Variants in CUEDC1 observed in about 807,000 individuals in gnomAD.
The protein encoded by CUEDC1 is CUE domain containing 1, also known as CUE domain-containing protein 1.
Under a neutral mutation model 43.7 loss-of-function variants are expected in CUEDC1, and 30 were observed. That is an observed-to-expected ratio of 0.69 (90% CI 0.51 to 0.93). The LOEUF (loss-of-function observed/expected upper bound fraction) is 0.93, where lower values mean the gene tolerates loss of function less well. Among genes scored for constraint, CUEDC1 ranks in the 40% least tolerant of loss-of-function variants. The pLI, the probability that CUEDC1 is intolerant of heterozygous loss-of-function variation, is 0.00. For missense variants in CUEDC1, 486 were observed against 549.0 expected, an observed-to-expected ratio of 0.89 and a Z score of 1.15; for synonymous variants, 223 against 223.6, an observed-to-expected ratio of 1.00 and a Z score of 0.02.
chr17:57,940,489 G>T (rs538926852), intron 1 of CUEDC1, among the ~76,000 whole-genome samples: 1 of 152,098 alleles, frequency 6.6e-6, no homozygotes, highest in Non-Finnish European at 1.5e-5. Context: ...CTCCCCTCCC[G>T]CAGTAACCTT....
intron 1 of CUEDC1, among the ~76,000 whole-genome samples, chr17:57,904,430 G>A (rs2145011483): frequency 6.6e-6 from 1 of 152,234 alleles, no homozygotes; most frequent in East Asian, 1.9e-4. Context: ...TGGGAGGGAG[G>A]GAAGGGAATA....
chr17:57,873,862 ACT>A (rs1394578342), intron 3 of CUEDC1, 145 bp from the exon 4 acceptor site: 2 of 792,266 alleles, frequency 2.5e-6, no homozygotes, highest in Non-Finnish European at 3.7e-6. Context: ...AAGGCCCGTC[ACT>A]CTGTCTCATC....
intron 1 of CUEDC1, among the ~76,000 whole-genome samples, chr17:57,947,026 A>C (rs2074966007): frequency 6.6e-6 from 1 of 151,970 alleles, no homozygotes; most frequent in Admixed American, 6.6e-5. Flanking sequence ...TACAGCCTGA[A>C]ACCGAAACTA....
intron 1 of CUEDC1, among the ~76,000 whole-genome samples, chr17:57,941,398 A>G (rs1598024827): frequency 6.6e-6 from 1 of 152,228 alleles, no homozygotes; most frequent in East Asian, 1.9e-4. Flanking sequence ...TGCCATATAC[A>G]GTTATGCAGG....
intron 1 of CUEDC1, among the ~76,000 whole-genome samples, chr17:57,888,318 C>T: frequency 6.6e-6 from 1 of 152,180 alleles, no homozygotes; most frequent in East Asian, 1.9e-4. Context: ...GGCCATCTTC[C>T]CATGTCAGAA....
chr17:57,943,194 C>A (rs2074932252), intron 1 of CUEDC1, among the ~76,000 whole-genome samples: 1 of 152,150 alleles, frequency 6.6e-6, no homozygotes, highest in Non-Finnish European at 1.5e-5. Flanking sequence ...AAGCTGGGAG[C>A]CCTTCCCAAA....
At chr17:57,929,880 C>T (rs895883403) in intron 1 of CUEDC1, among the ~76,000 whole-genome samples, 1 of 152,150 alleles carries the variant, frequency 6.6e-6, no homozygotes, top group Non-Finnish European at 1.5e-5. Flanking sequence ...TGGCTCACTG[C>T]AACCTCCGCC....
At chr17:57,908,339 G>T (rs563007847) in intron 1 of CUEDC1, among the ~76,000 whole-genome samples, 12 of 152,308 alleles carry the variant, frequency 7.9e-5, no homozygotes, top group Non-Finnish European at 1.6e-4. Context: ...TTACAGGTGT[G>T]AGCCACCGCG....
At chr17:57,929,005 G>A (rs1251639062) in intron 1 of CUEDC1, among the ~76,000 whole-genome samples, 1 of 144,808 alleles carries the variant, frequency 6.9e-6, no homozygotes, top group Non-Finnish European at 1.5e-5. Flanking sequence ...ATTAGCAGGC[G>A]GGGAAAAAAA....
At chr17:57,888,925 C>T (rs2074326982) in intron 1 of CUEDC1, among the ~76,000 whole-genome samples, 1 of 152,212 alleles carries the variant, frequency 6.6e-6, no homozygotes, top group Non-Finnish European at 1.5e-5. Flanking sequence ...CCTGGGCCAC[C>T]CCCAGGGGAG....
At position 57,861,593 on chromosome 17, in the gene CUEDC1, G is replaced by C. The variant is rs915713641; in HGVS notation, c.*1696C>G. The C allele has an allele frequency of 3.3e-5, 5 of 152,270 alleles. No homozygotes were observed. The highest frequency in any genetic ancestry group is 3.3e-4 in the Admixed American group (5 of 15,280). 9.4% of individuals were successfully genotyped at this position (152,270 alleles called of 1,614,324 possible). A position where few individuals can be genotyped will look rare whatever the true frequency, so the allele number is the denominator to read the frequency against. Reference sequence around the variant, plus strand: ...CCAGCCCACGCCGCTGGCCACATCAGAGCACCAAGAGAACACCAACTGTTT... The same window carrying C: ...CCAGCCCACGCCGCTGGCCACATCACAGCACCAAGAGAACACCAACTGTTT... On this transcript the variant is annotated 3_prime_UTR_variant, in exon 11 of 11. Coordinates refer to ENST00000577830, the MANE Select transcript of CUEDC1 (RefSeq NM_001271875.2).
chr17:57,875,850 C>T (rs755932035), intron 3 of CUEDC1, among the ~76,000 whole-genome samples: 1 of 152,114 alleles, frequency 6.6e-6, no homozygotes, highest in East Asian at 1.9e-4. Context: ...TCAGGACTTC[C>T]AGGTAAAATT....
chr17:57,954,839 G>A lies in CUEDC1; in HGVS notation c.-316+386C>T, dbSNP rs2075041190. ...GCGCCCACACAAAAGGGGGAGCGGCGGGAGAGGGGACTCGGGCGAAGCCGG... is the reference window on the plus strand; with the variant it reads ...GCGCCCACACAAAAGGGGGAGCGGCAGGAGAGGGGACTCGGGCGAAGCCGG... On this transcript the variant is annotated intron_variant, in intron 1 of 10. Transcript: ENST00000577830. This position sits in a 1 kb window ranked among gnomAD's most constrained non-coding sequence, Gnocchi z 4.3. Among the ~76,000 whole-genome samples the A allele has an allele frequency of 1.3e-5, 2 of 152,086 alleles. No homozygotes were observed. The highest frequency in any genetic ancestry group is 4.1e-4 in the South Asian group (2 of 4,832).
chr17:57,930,444 T>A lies in CUEDC1; in HGVS notation c.-316+24781A>T, dbSNP rs28420469. On this transcript the variant is annotated intron_variant, in intron 1 of 10. Transcript: ENST00000577830. This position sits in a 1 kb window ranked among gnomAD's most constrained non-coding sequence, Gnocchi z 4.2. ...TGCCCAGGGGCCCTTTTATCCTGAGTCAGAAACCAAAGCCCTCTCCGTCCC... is the reference window on the plus strand; with the variant it reads ...TGCCCAGGGGCCCTTTTATCCTGAGACAGAAACCAAAGCCCTCTCCGTCCC... Among the ~76,000 whole-genome samples, 12,112 of 152,116 alleles carry A rather than the reference T, an allele frequency of 0.08. 1,136 individuals are homozygous for A. Among genetic ancestry groups the A allele is most frequent in the African/African-American group, 0.22 (9,184 of 41,464 alleles).
At chr17:57,922,788 A>G (rs2074710157) in intron 1 of CUEDC1, among the ~76,000 whole-genome samples, 1 of 152,210 alleles carries the variant, frequency 6.6e-6, no homozygotes, top group Admixed American at 6.5e-5. Context: ...GATCGCTGTC[A>G]TTCCAGACCA....
rs2073960912 is a variant in CUEDC1, at chr17:57,866,511, G to A, written c.1127C>T (p.Pro376Leu). The A allele has an allele frequency of 6.2e-7, 1 of 1,614,050 alleles. No homozygotes were observed. Among genetic ancestry groups the A allele is most frequent in the African/African-American group, 1.3e-5 (1 of 74,926 alleles). Reference sequence around the variant, plus strand: ...TTCTCGCAGGCCTTCCTCCACCTTGGGTGCCTCCTGACGCCTGCCCCGGAA... The same window carrying A: ...TTCTCGCAGGCCTTCCTCCACCTTGAGTGCCTCCTGACGCCTGCCCCGGAA... ...EDFRGRRQEAPKVEEGLREGQ is the reference protein window; with the variant it reads ...EDFRGRRQEALKVEEGLREGQ The change falls in exon 10 of 11, where the codon CCC becomes CTC. Residue 376 changes from proline (P) to leucine (L), a missense_variant. Transcript: ENST00000577830.
intron 1 of CUEDC1, among the ~76,000 whole-genome samples, chr17:57,895,173 T>C (rs746106673): frequency 6.6e-6 from 1 of 152,176 alleles, no homozygotes; most frequent in Non-Finnish European, 1.5e-5. Context: ...TTCCACTTCA[T>C]AGTAGAAAAA....
chr17:57,896,494 G>GTGTA (rs2074411719), intron 1 of CUEDC1, among the ~76,000 whole-genome samples: 3 of 112,386 alleles, frequency 2.7e-5, no homozygotes, highest in Middle Eastern at 3.8e-3. Flanking sequence ...TGGGGTGTGT[G>GTGTA]TGTGTGTGTG....
chr17:57,917,318 C>T (rs2074652775), intron 1 of CUEDC1, among the ~76,000 whole-genome samples: 1 of 152,214 alleles, frequency 6.6e-6, no homozygotes, highest in South Asian at 2.1e-4. Flanking sequence ...GGCTCAGAGG[C>T]TGTCATAAGG....
Sources: gnomAD v4.1 joint callset for allele counts (sites outside exome capture counted in the v4.1 genomes callset) on GRCh38, gnomAD v4.1.1 for gene constraint, Gnocchi (gnomAD v3.1) non-coding constraint, MANE v1.5 for transcripts, NCBI Gene and HGNC (gene_info 2026-07-23, HGNC 2026-07-21) for gene names.